MSRA: variants seen among roughly 807,000 people sequenced by gnomAD.
MSRA encodes mitochondrial peptide methionine sulfoxide reductase.
A neutral mutation model predicts 31.3 loss-of-function variants in MSRA; 54 were observed. That is an observed-to-expected ratio of 1.73 (90% CI 1.39 to 2.17). MSRA has a LOEUF of 2.17. MSRA is among the 30% of genes most tolerant of loss of function. The probability of loss-of-function intolerance (pLI) is 0.00; values close to 1 mark genes in which losing one functional copy is unlikely to be tolerated. For synonymous variants in MSRA, 169 were observed against 116.5 expected, an observed-to-expected ratio of 1.45 and a Z score of -2.90; for missense variants, 507 against 300.9, an observed-to-expected ratio of 1.69 and a Z score of -5.07.
intron 3 of MSRA, among the ~76,000 whole-genome samples, chr8:10,291,576 C>CTTGTGGGGCGGG (rs1800239034): frequency 6.6e-6 from 1 of 151,816 alleles, no homozygotes; most frequent in African/African-American, 2.4e-5. Context: ...GAGATGAAAC[C>CTTGTGGGGCGGG]GAGCTGACAT....
intron 5 of MSRA, among the ~76,000 whole-genome samples, chr8:10,419,733 G>T (rs1239834970): frequency 2.6e-5 from 4 of 152,196 alleles, no homozygotes; most frequent in Admixed American, 6.5e-5. Context: ...TGTTTAGAGC[G>T]TATATCTCTT....
intron 5 of MSRA, among the ~76,000 whole-genome samples, chr8:10,376,442 A>T (rs1272895301): frequency 1.3e-5 from 2 of 152,164 alleles, no homozygotes; most frequent in Non-Finnish European, 2.9e-5. Context: ...CTCTGCTGTG[A>T]TATTATCTGG....
chr8:10,272,201 A>G (rs139865276), intron 3 of MSRA, among the ~76,000 whole-genome samples: 2,557 of 152,292 alleles, frequency 0.017, 24 homozygotes, highest in Non-Finnish European at 0.025. Flanking sequence ...CCAGGAAAAC[A>G]GAAGCAATAG....
chr8:10,112,279 C>T (rs1800346289), intron 1 of MSRA, among the ~76,000 whole-genome samples: 1 of 152,274 alleles, frequency 6.6e-6, no homozygotes, highest in South Asian at 2.1e-4. Flanking sequence ...GACTGACCAT[C>T]TTGATAGATA....
At chr8:10,314,469 C>T (rs1256901026) in intron 4 of MSRA, among the ~76,000 whole-genome samples, 3 of 151,934 alleles carry the variant, frequency 2.0e-5, no homozygotes, top group Non-Finnish European at 4.4e-5. Context: ...ACCAAGCAGA[C>T]TGACAAAAAG....
At chr8:10,305,981 C>G (rs546940850) in intron 4 of MSRA, among the ~76,000 whole-genome samples, 2 of 152,232 alleles carry the variant, frequency 1.3e-5, no homozygotes, top group East Asian at 3.9e-4. Context: ...CATTTGAATC[C>G]CACTGTTTAA....
At chr8:10,415,451 C>G (rs966665703) in intron 5 of MSRA, among the ~76,000 whole-genome samples, 1 of 152,142 alleles carries the variant, frequency 6.6e-6, no homozygotes, top group Non-Finnish European at 1.5e-5. Context: ...TCACGTGGTT[C>G]CTTCAGTCTC....
At chr8:10,424,249 A>C (rs7821432) in intron 5 of MSRA, among the ~76,000 whole-genome samples, 122,313 of 152,068 alleles carry the variant, frequency 0.8, 51,486 homozygotes, top group Non-Finnish European at 0.95. Context: ...AAAATGAACA[A>C]CACCAAAGAA....
chr8:10,071,498 G>A (rs1280166103), intron 1 of MSRA, among the ~76,000 whole-genome samples: 4 of 137,534 alleles, frequency 2.9e-5, no homozygotes, highest in African/African-American at 1.1e-4. Flanking sequence ...CAGAGTAAAA[G>A]TTTTTAATTC....
At chr8:10,138,013 G>T (rs1165897139) in intron 1 of MSRA, among the ~76,000 whole-genome samples, 2 of 152,178 alleles carry the variant, frequency 1.3e-5, no homozygotes, top group Non-Finnish European at 2.9e-5. Context: ...GCATAAGGCA[G>T]CAGGGATTGG....
intron 2 of MSRA, among the ~76,000 whole-genome samples, chr8:10,208,669 C>T (rs1228301734): frequency 1.3e-5 from 2 of 152,136 alleles, no homozygotes; most frequent in East Asian, 3.9e-4. Flanking sequence ...CTGTGTTACC[C>T]ACTGAAAATG....
intron 2 of MSRA, among the ~76,000 whole-genome samples, chr8:10,209,733 C>A (rs111290674): frequency 0.024 from 3,683 of 152,282 alleles, 148 homozygotes; most frequent in African/African-American, 0.083. Flanking sequence ...GGCCCTTGGC[C>A]TTTACCTCTT....
At chr8:10,390,839 G>A (rs1206868401) in intron 5 of MSRA, among the ~76,000 whole-genome samples, 5 of 152,136 alleles carry the variant, frequency 3.3e-5, no homozygotes, top group South Asian at 2.1e-4. Flanking sequence ...ATCTGGGCGC[G>A]GTGGCAGGCG....
At chr8:10,066,906 T>C (rs1385518796) in intron 1 of MSRA, among the ~76,000 whole-genome samples, 1 of 151,982 alleles carries the variant, frequency 6.6e-6, no homozygotes, top group Non-Finnish European at 1.5e-5. Context: ...GTTTTAGGTT[T>C]ACAGAAAAAT....
At chr8:10,263,048 G>T (rs901532938) in intron 3 of MSRA, among the ~76,000 whole-genome samples, 3 of 152,216 alleles carry the variant, frequency 2.0e-5, no homozygotes, top group South Asian at 4.1e-4. Context: ...TGTCTTGTTT[G>T]TGTACCGGCT....
chr8:10,284,763 T>C (rs1415795874), intron 3 of MSRA, among the ~76,000 whole-genome samples: 1 of 152,182 alleles, frequency 6.6e-6, no homozygotes, highest in African/African-American at 2.4e-5. Context: ...GTAACCTCTC[T>C]GTGCCTAACT....
chr8:10,089,199 C>A (rs1000934035), intron 1 of MSRA, among the ~76,000 whole-genome samples: 5 of 152,162 alleles, frequency 3.3e-5, no homozygotes, highest in Non-Finnish European at 2.9e-5. Context: ...GTCTGCTTCA[C>A]TGCAGTAACC....
intron 4 of MSRA, among the ~76,000 whole-genome samples, chr8:10,309,415 C>G (rs961064809): frequency 8.5e-5 from 13 of 152,220 alleles, no homozygotes; most frequent in Admixed American, 6.5e-5. Flanking sequence ...TTTCCATCAC[C>G]AGCTGCTGTT....
chr8:10,382,875 A>G (rs1339400953), intron 5 of MSRA, among the ~76,000 whole-genome samples: 3 of 152,156 alleles, frequency 2.0e-5, no homozygotes, highest in Non-Finnish European at 4.4e-5. Flanking sequence ...TCCACCTTAG[A>G]TAATACTCTT....
Sources: allele counts gnomAD v4.1 joint callset (sites outside exome capture counted in the v4.1 genomes callset), GRCh38; gene constraint gnomAD v4.1.1; transcripts MANE v1.5; gene names NCBI Gene and HGNC (gene_info 2026-07-23, HGNC 2026-07-21).